SPON1: variants seen among roughly 807,000 people sequenced by gnomAD.
SPON1 encodes the protein spondin-1.
Under a neutral mutation model 111.7 loss-of-function variants are expected in SPON1, and 52 were observed. That is an observed-to-expected ratio of 0.47 (90% CI 0.37 to 0.59). The LOEUF is 0.59. Ranked by LOEUF, SPON1 falls within the 20% of genes least tolerant of loss-of-function variation. SPON1 has a pLI of 0.00. For missense variants in SPON1, 957 were observed against 1,068.5 expected (o/e 0.90, Z 1.46); for synonymous variants, 410 against 395.8 (o/e 1.04, Z -0.43).
chr11:14,173,445 C>A (rs982800295), intron 6 of SPON1, among the ~76,000 whole-genome samples: 30 of 152,222 alleles, frequency 2.0e-4, no homozygotes, highest in African/African-American at 7.2e-4. Flanking sequence ...CGAACTTCCT[C>A]CTTTAGCTCG....
chr11:14,123,445 G>C (rs1286333001), intron 5 of SPON1, among the ~76,000 whole-genome samples: 1 of 152,058 alleles, frequency 6.6e-6, no homozygotes, highest in Admixed American at 6.6e-5. Context: ...CTAAATTGTA[G>C]CCTTTCTAGG....
intron 7 of SPON1, among the ~76,000 whole-genome samples, chr11:14,244,457 G>A (rs1554940013): frequency 1.3e-5 from 2 of 151,700 alleles, no homozygotes; most frequent in African/African-American, 2.4e-5. Flanking sequence ...ATCAGAGGTT[G>A]CAGTGAGCTG....
intron 6 of SPON1, among the ~76,000 whole-genome samples, chr11:14,215,173 A>C (rs1848613947): frequency 6.6e-6 from 1 of 152,104 alleles, no homozygotes; most frequent in African/African-American, 2.4e-5. Context: ...CTCCCACCTC[A>C]GCCTCCCAAG....
intron 3 of SPON1, among the ~76,000 whole-genome samples, chr11:14,059,504 T>C (rs1486289332): frequency 2.6e-5 from 4 of 151,796 alleles, no homozygotes; most frequent in African/African-American, 9.7e-5. Flanking sequence ...AAATATTTAG[T>C]GAGCACCTAC....
intron 3 of SPON1, among the ~76,000 whole-genome samples, chr11:14,050,163 A>G (rs1848697940): frequency 6.6e-6 from 1 of 152,268 alleles, no homozygotes; most frequent in South Asian, 2.1e-4. Flanking sequence ...TCTCACCACC[A>G]AAGAATAAAG....
intron 6 of SPON1, among the ~76,000 whole-genome samples, chr11:14,159,934 G>A (rs1224617100): frequency 6.6e-6 from 1 of 151,818 alleles, no homozygotes; most frequent in Non-Finnish European, 1.5e-5. Context: ...ATGGTTAACC[G>A]GTACAAAAAC....
Position 14,255,741 on chromosome 11 carries a change from C to G in SPON1, c.1187C>G (p.Ser396Cys), listed in dbSNP as rs782048666. Reference protein sequence around the residue: ...QSPFYDPEGGSITQVARVVIE... With the variant: ...QSPFYDPEGGCITQVARVVIE... Reference sequence around the variant, plus strand: ...CCTTTCTATGACCCAGAGGGTGGGTCCATCACTCAAGTAGCCAGAGTTGTC... The same window carrying G: ...CCTTTCTATGACCCAGAGGGTGGGTGCATCACTCAAGTAGCCAGAGTTGTC... Residue 396 changes from serine to cysteine, a missense_variant, in exon 9 of 16, where the codon TCC becomes TGC. Around this residue, in one of 5 missense-constraint regions of SPON1, gnomAD observed 549 missense variants for 606.2 expected, o/e 0.91. Transcript: ENST00000576479. The G allele has an allele frequency of 6.2e-6, 10 of 1,613,740 alleles. No individual in the cohort carries two copies. The highest frequency in any genetic ancestry group is 6.8e-6 in the Non-Finnish European group (8 of 1,179,880).
chr11:14,140,957 G>T (rs751951091), intron 6 of SPON1, among the ~76,000 whole-genome samples: 1 of 151,526 alleles, frequency 6.6e-6, no homozygotes, highest in Non-Finnish European at 1.5e-5. Context: ...GCTTGATGGA[G>T]GGTTTTCTCA....
At chr11:13,993,907 C>T (rs1304300653) in intron 2 of SPON1, among the ~76,000 whole-genome samples, 1 of 152,162 alleles carries the variant, frequency 6.6e-6, no homozygotes, top group Non-Finnish European at 1.5e-5. Flanking sequence ...GTCCTTCAGG[C>T]ATCAACTAGT....
intron 3 of SPON1, among the ~76,000 whole-genome samples, chr11:14,073,681 A>T (rs142803874): frequency 4.2e-4 from 64 of 152,144 alleles, no homozygotes; most frequent in African/African-American, 1.4e-3. Flanking sequence ...TTCCTTGTAA[A>T]CTTTAATCAA....
intron 7 of SPON1, among the ~76,000 whole-genome samples, chr11:14,245,851 C>A (rs1398466659): frequency 6.6e-6 from 1 of 152,224 alleles, no homozygotes; most frequent in Non-Finnish European, 1.5e-5. Flanking sequence ...GAGGCAGGGC[C>A]TACCCAGGGC....
At chr11:14,151,935 C>T (rs907835742) in intron 6 of SPON1, among the ~76,000 whole-genome samples, 1 of 152,160 alleles carries the variant, frequency 6.6e-6, no homozygotes, top group Non-Finnish European at 1.5e-5. Context: ...ATCAGAATTC[C>T]ACTCAACCTT....
intron 1 of SPON1, among the ~76,000 whole-genome samples, chr11:13,970,391 C>T (rs113393840): frequency 6.6e-6 from 1 of 152,142 alleles, no homozygotes; most frequent in Non-Finnish European, 1.5e-5. Context: ...GGCTAGGAGA[C>T]CCATAGGAAA....
rs1186917499 is a variant in SPON1, at chr11:14,076,404, CAATAAT to C, written c.553+991_553+996del. Among the ~76,000 whole-genome samples, 221 of 152,250 alleles carry C rather than the reference CAATAAT, an allele frequency of 1.5e-3. 1 individual carries two copies. Among genetic ancestry groups the C allele is most frequent in the Non-Finnish European group, 2.5e-4 (17 of 68,008 alleles). On this transcript the variant is annotated intron_variant, in intron 4 of 15. Transcript: ENST00000576479. ...GGTTGATAAAGGTCTTCGGGGAAAA[CAATAAT>C]AATAGGTAATATGTTTGGGGTGCTT...
At chr11:14,120,293 C>T (rs1245208326) in intron 5 of SPON1, among the ~76,000 whole-genome samples, 7 of 152,200 alleles carry the variant, frequency 4.6e-5, no homozygotes, top group Admixed American at 3.3e-4. Flanking sequence ...GAGCCTCCAA[C>T]CCTGATTCAG....
At chr11:14,154,232 A>G (rs1847816692) in intron 6 of SPON1, among the ~76,000 whole-genome samples, 1 of 152,206 alleles carries the variant, frequency 6.6e-6, no homozygotes, top group South Asian at 2.1e-4. Context: ...CTCCAACCCC[A>G]CATTTCCCCT....
chr11:14,252,187 G>T (rs1015263808), intron 7 of SPON1, among the ~76,000 whole-genome samples: 1 of 152,240 alleles, frequency 6.6e-6, no homozygotes, highest in Non-Finnish European at 1.5e-5. Flanking sequence ...TTCCTTCAAG[G>T]AACTCCCGGT....
chr11:14,012,936 A>G (rs1848417102), intron 2 of SPON1, among the ~76,000 whole-genome samples: 2 of 152,136 alleles, frequency 1.3e-5, no homozygotes, highest in South Asian at 2.1e-4. Flanking sequence ...TCCTATTTAC[A>G]TATTCTGCCT....
At chr11:14,016,841 C>T (rs886564588) in intron 2 of SPON1, among the ~76,000 whole-genome samples, 13 of 152,160 alleles carry the variant, frequency 8.5e-5, no homozygotes, top group Non-Finnish European at 1.5e-4. Context: ...ATTCAGGCAA[C>T]GCTTCCTGAT....
Sources: gnomAD v4.1 joint callset for allele counts (sites outside exome capture counted in the v4.1 genomes callset) on GRCh38, gnomAD v4.1.1 for gene constraint, gnomAD v4.1.1 regional missense constraint, MANE v1.5 for transcripts, NCBI Gene and HGNC (gene_info 2026-07-23, HGNC 2026-07-21) for gene names.